Variants in IQSEC3 observed in about 807,000 individuals in gnomAD.
The protein encoded by IQSEC3 is IQ motif and Sec7 domain ArfGEF 3.
In IQSEC3, 50 loss-of-function variants were observed where a neutral mutation model predicts 105.4. The observed-to-expected ratio is 0.47, with a 90% CI of 0.38 to 0.60. The LOEUF is 0.60. Among genes scored for constraint, IQSEC3 ranks in the 20% least tolerant of loss-of-function variants. The probability of loss-of-function intolerance (pLI) is 0.00; values close to 1 mark genes in which losing one functional copy is unlikely to be tolerated. For missense variants in IQSEC3, 1,415 were observed against 1,630.0 expected, an observed-to-expected ratio of 0.87 and a Z score of 2.27; for synonymous variants, 708 against 746.0, an observed-to-expected ratio of 0.95 and a Z score of 0.83.
rs763779562 is a variant in IQSEC3, at chr12:138,680, C to T, written c.1317C>T (p.Ala439=). The change falls in exon 4 of 14, where the codon GCC becomes GCT. Residue 439 remains alanine (A), a synonymous_variant. Coordinates refer to ENST00000538872, the MANE Select transcript of IQSEC3 (RefSeq NM_001170738.2). The surrounding 1 kb of genome is among the most constrained non-coding windows in gnomAD (Gnocchi z 7.1). ...RESGAYQLHQ[A]LQAAAGPPGL... is the part of the protein sequence containing the mutation. Reference sequence around the variant, plus strand: ...GTGGCGCTTACCAGCTCCACCAGGCCCTGCAGGCGGCCGCGGGGCCCCCAG... The same window carrying T: ...GTGGCGCTTACCAGCTCCACCAGGCTCTGCAGGCGGCCGCGGGGCCCCCAG... 3.2e-6 allele frequency: 5 copies of T among 1,547,006 alleles called. No homozygotes were observed. Among genetic ancestry groups the T allele is most frequent in the Middle Eastern group, 3.4e-4 (2 of 5,968 alleles).
intron 7 of IQSEC3, among the ~76,000 whole-genome samples, chr12:159,397 A>G (rs895102843): frequency 1.3e-5 from 2 of 152,194 alleles, no homozygotes; most frequent in African/African-American, 4.8e-5. Flanking sequence ...TGGTTCCTGC[A>G]TGTCAGAGCT....
In IQSEC3 at chr12:138,231, C is replaced by G. The variant is rs373122437; in HGVS notation, c.904-36C>G. On this transcript the variant is annotated intron_variant, in intron 3 of 13. Coordinates refer to ENST00000538872, the MANE Select transcript of IQSEC3 (RefSeq NM_001170738.2). This position sits in a 1 kb window ranked among gnomAD's most constrained non-coding sequence, Gnocchi z 7.1. ...CAGAAGGGCTGACCACCCTTCCCCT[C>G]TGAGCCCTTCCTCCTCTCTGTCCTC... 55 of 1,562,306 alleles carry G rather than the reference C, an allele frequency of 3.5e-5. No individual in the cohort carries two copies. The African/African-American group carries it at 7.0e-4, about 20-fold the overall frequency.
At chr12:76,249 G>C (rs1295766206) in intron 1 of IQSEC3, among the ~76,000 whole-genome samples, 17 of 152,242 alleles carry the variant, frequency 1.1e-4, no homozygotes, top group African/African-American at 3.9e-4. Flanking sequence ...TGGATTCCGG[G>C]GTCATGAACC....
chr12:101,729 G>C (rs1335151983), intron 2 of IQSEC3, among the ~76,000 whole-genome samples: 2 of 152,138 alleles, frequency 1.3e-5, no homozygotes, highest in Non-Finnish European at 2.9e-5. Context: ...GTCTGATGTG[G>C]CTTTCCTGGC....
chr12:135,054 C>T (rs1555085980), intron 3 of IQSEC3, among the ~76,000 whole-genome samples: 1 of 152,166 alleles, frequency 6.6e-6, no homozygotes, highest in Non-Finnish European at 1.5e-5. Flanking sequence ...CGCTTGAACC[C>T]AGGAGGCGGA....
chr12:88,060 T>C (rs767158100), intron 1 of IQSEC3, among the ~76,000 whole-genome samples: 9 of 152,228 alleles, frequency 5.9e-5, no homozygotes, highest in Non-Finnish European at 7.3e-5. Context: ...ACGGCAGAGC[T>C]GGCTTCCCGA....
intron 5 of IQSEC3, among the ~76,000 whole-genome samples, chr12:154,863 C>A (rs1555093723): frequency 1.3e-5 from 2 of 152,092 alleles, no homozygotes; most frequent in Non-Finnish European, 2.9e-5. Context: ...CCTTGCCTGT[C>A]CCTCCCTTTC....
At chr12:87,995 C>T (rs1555072486) in intron 1 of IQSEC3, among the ~76,000 whole-genome samples, 1 of 152,186 alleles carries the variant, frequency 6.6e-6, no homozygotes, top group Non-Finnish European at 1.5e-5. Flanking sequence ...AGGACTATGG[C>T]GGGCCCTTGC....
intron 3 of IQSEC3, among the ~76,000 whole-genome samples, chr12:127,555 C>T (rs1488533043): frequency 6.6e-6 from 1 of 150,710 alleles, no homozygotes; most frequent in Non-Finnish European, 1.5e-5. Context: ...CTCATCAGGA[C>T]AGAAGGATGG....
intron 1 of IQSEC3, among the ~76,000 whole-genome samples, chr12:94,526 G>A (rs113074186): frequency 0.032 from 4,947 of 152,322 alleles, 146 homozygotes; most frequent in Middle Eastern, 0.092. Context: ...ATGGAGGAGC[G>A]CAGAGGCAGA....
intron 4 of IQSEC3, 23 bp from the exon 5 acceptor site, chr12:141,101 C>G: frequency 6.3e-7 from 1 of 1,582,324 alleles, no homozygotes; most frequent in Non-Finnish European, 8.7e-7. Flanking sequence ...CTCTCTACTG[C>G]TTCTCCCCAC....
intron 2 of IQSEC3, among the ~76,000 whole-genome samples, chr12:114,363 C>G (rs539245386): frequency 1.3e-5 from 2 of 152,320 alleles, no homozygotes; most frequent in South Asian, 2.1e-4. Flanking sequence ...GCTTGCCATA[C>G]CAGGGGCTCT....
chr12:132,071 A>G (rs1215401302), intron 3 of IQSEC3, among the ~76,000 whole-genome samples: 1 of 152,176 alleles, frequency 6.6e-6, no homozygotes, highest in African/African-American at 2.4e-5. Context: ...CTGAGTGTCA[A>G]AGAGAAATTG....
At chr12:102,578 C>T (rs1043212328) in intron 2 of IQSEC3, among the ~76,000 whole-genome samples, 1 of 152,172 alleles carries the variant, frequency 6.6e-6, no homozygotes, top group African/African-American at 2.4e-5. Flanking sequence ...CCAGAAAGAC[C>T]CAGGGCCAGA....
chr12:77,983 C>T (rs1308188673), intron 1 of IQSEC3, among the ~76,000 whole-genome samples: 1 of 151,860 alleles, frequency 6.6e-6, no homozygotes, highest in Non-Finnish European at 1.5e-5. Context: ...CGCACTTCCT[C>T]GCGGGGGCGG....
chr12:167,968 G>A (rs1157013236), intron 11 of IQSEC3, among the ~76,000 whole-genome samples: 5 of 152,224 alleles, frequency 3.3e-5, no homozygotes, highest in Non-Finnish European at 7.3e-5. Flanking sequence ...ACTCTCAGTT[G>A]AGTAGAAATA....
At chr12:100,749 T>G (rs1864398228) in intron 2 of IQSEC3, among the ~76,000 whole-genome samples, 1 of 152,094 alleles carries the variant, frequency 6.6e-6, no homozygotes, top group African/African-American at 2.4e-5. Flanking sequence ...CCCCATGCAG[T>G]GGGACATCAG....
At chr12:93,627 A>G (rs1864159797) in intron 1 of IQSEC3, among the ~76,000 whole-genome samples, 1 of 152,222 alleles carries the variant, frequency 6.6e-6, no homozygotes, top group African/African-American at 2.4e-5. Flanking sequence ...GCTCCTTTCC[A>G]GCTACAACCA....
At position 152,291 on chromosome 12, in the gene IQSEC3, A is replaced by G. The variant is rs976477315; in HGVS notation, c.2154-4734A>G. 2.6e-5 allele frequency among the ~76,000 whole-genome samples: 4 copies of G among 152,194 alleles called. No individual in the cohort carries two copies. The highest frequency in any genetic ancestry group is 1.9e-4 in the East Asian group (1 of 5,194). ...GAGCCCCCGTGCTGACTGCCCACGCATGCACCAAGAGGCTCTCCTGTGTAA... is the reference window on the plus strand; with the variant it reads ...GAGCCCCCGTGCTGACTGCCCACGCGTGCACCAAGAGGCTCTCCTGTGTAA... On this transcript the variant is annotated intron_variant, in intron 5 of 13. Transcript: ENST00000538872. This position sits in a 1 kb window ranked among gnomAD's most constrained non-coding sequence, Gnocchi z 4.8.
Sources: gnomAD v4.1 joint callset for allele counts (sites outside exome capture counted in the v4.1 genomes callset) on GRCh38, gnomAD v4.1.1 for gene constraint, Gnocchi (gnomAD v3.1) non-coding constraint, MANE v1.5 for transcripts, NCBI Gene and HGNC (gene_info 2026-07-23, HGNC 2026-07-21) for gene names.